SLCO4A1: variants seen among roughly 807,000 people sequenced by gnomAD.
SLCO4A1 encodes the protein colon organic anion transporter.
Under a neutral mutation model 64.6 loss-of-function variants are expected in SLCO4A1, and 51 were observed. The observed-to-expected ratio is 0.79, with a 90% CI of 0.63 to 1.00. SLCO4A1 has a LOEUF of 1.00. Among genes scored for constraint, SLCO4A1 ranks in the 50% least tolerant of loss-of-function variants. SLCO4A1 has a pLI of 0.00. For synonymous variants in SLCO4A1, 471 were observed against 444.9 expected (o/e 1.06, Z -0.74); for missense variants, 919 against 980.5 (o/e 0.94, Z 0.84).
intron 8 of SLCO4A1, 42 bp from the exon 9 acceptor site, chr20:62,667,970 G>T: frequency 1.2e-6 from 2 of 1,613,952 alleles, no homozygotes; most frequent in Non-Finnish European, 1.7e-6. Context: ...AGGGGCCCCC[G>T]TGCCTTCCCC....
intron 5 of SLCO4A1, among the ~76,000 whole-genome samples, chr20:62,662,379 G>A (rs113519635): frequency 0.011 from 1,688 of 152,252 alleles, 19 homozygotes; most frequent in South Asian, 0.024. Context: ...CAGCAGAGCG[G>A]CTTAGAGCTG....
intron 11 of SLCO4A1, among the ~76,000 whole-genome samples, 187 bp downstream of exon 11, chr20:62,669,265 G>T (rs1309854873): frequency 6.6e-6 from 1 of 152,222 alleles, no homozygotes. Context: ...GTGGGCTGCA[G>T]GGCCTCCTCC....
intron 11 of SLCO4A1, 104 bp downstream of exon 11, chr20:62,669,182 A>T: frequency 8.8e-7 from 1 of 1,135,896 alleles, no homozygotes; most frequent in Non-Finnish European, 1.3e-6. Flanking sequence ...CTAGTACATC[A>T]CAGATGTTCC....
At position 62,667,776 on chromosome 20, in the gene SLCO4A1, G is replaced by A; in HGVS notation, c.1504G>A (p.Ala502Thr). 12 of 1,610,992 alleles carry A rather than the reference G, an allele frequency of 7.4e-6. No individual in the cohort carries two copies. The highest frequency in any genetic ancestry group is 1.0e-5 in the Non-Finnish European group (12 of 1,179,410). The stretch of plus-strand genomic sequence containing the variant: ...GCCCGAAGGCCACCTGAACCTAACG[G>A]CTCCCTGCAACGCTGCCTGCAGCTG... ...LLPEGHLNLT[A>T]PCNAACSCQP... The change falls in exon 8 of 12, where the codon GCT becomes ACT. Residue 502 changes from alanine (A) to threonine (T), a missense_variant. Transcript: ENST00000217159.
intron 2 of SLCO4A1, among the ~76,000 whole-genome samples, chr20:62,658,246 C>A (rs1168059430): frequency 6.6e-6 from 1 of 152,260 alleles, no homozygotes; most frequent in Non-Finnish European, 1.5e-5. Flanking sequence ...GAGATCACCT[C>A]ACTCCAGCGA....
chr20:62,644,372 G>A lies in SLCO4A1; in HGVS notation c.-97+1819G>A, dbSNP rs145241118. 5.9e-3 allele frequency among the ~76,000 whole-genome samples: 900 copies of A among 152,362 alleles called. 6 individuals carry two copies. The highest frequency in any genetic ancestry group is 0.019 in the African/African-American group (781 of 41,590). ...GAGGGAGCTTCCCTCCCGAGTGGCC[G>A]TGACCTAATCTGTAGCTCACTGGGT... is the stretch of plus-strand genomic sequence containing the variant. On this transcript the variant is annotated intron_variant, in intron 1 of 11. Coordinates refer to ENST00000217159, the MANE Select transcript of SLCO4A1 (RefSeq NM_016354.4). The surrounding 1 kb of genome is among the most constrained non-coding windows in gnomAD (Gnocchi z 5.4).
chr20:62,661,041 C>CCCCCCCCCCCCCCCAAAAA lies in SLCO4A1; in HGVS notation c.1010-23_1010-22insCCCCCCCCCCCCCCAAAAA. ...TCCGGGAGCCCCCAGCCCCCAGCCC[C>CCCCCCCCCCCCCCCAAAAA]AGCTCACTCTGTGCCCTTCCAGGCT... On this transcript the variant is annotated intron_variant, in intron 4 of 11. Coordinates refer to ENST00000217159, the MANE Select transcript of SLCO4A1 (RefSeq NM_016354.4). The surrounding 1 kb of genome is among the most constrained non-coding windows in gnomAD (Gnocchi z 5.2). 13 of 1,424,134 alleles carry CCCCCCCCCCCCCCCAAAAA rather than the reference C, an allele frequency of 9.1e-6. No homozygotes were observed. The highest frequency in any genetic ancestry group is 1.2e-5 in the Non-Finnish European group (12 of 1,010,132). 88.2% of individuals were successfully genotyped at this position (1,424,134 alleles called of 1,614,324 possible).
At chr20:62,687,858 G>T (rs1004186415), downstream of SLCO4A1, among the ~76,000 whole-genome samples, 1 of 152,114 alleles carries the variant, frequency 6.6e-6, no homozygotes, top group African/African-American at 2.4e-5. Flanking sequence ...AGCCTCAGGG[G>T]TATCCCTGAG....
Position 62,661,022 on chromosome 20 carries a change from A to C in SLCO4A1, c.1010-42A>C. ...TCTCTCGGAGAAGTCCACCTCCGGG[A>C]GCCCCCAGCCCCCAGCCCCAGCTCA... On this transcript the variant is annotated intron_variant, in intron 4 of 11. Transcript: ENST00000217159. This position sits in a 1 kb window ranked among gnomAD's most constrained non-coding sequence, Gnocchi z 5.2. 1.2e-5 allele frequency: 7 copies of C among 581,066 alleles called. No individual in the cohort carries two copies. Among genetic ancestry groups the C allele is most frequent in the Admixed American group, 2.6e-5 (1 of 37,960 alleles). The allele number at this position is 581,066 out of a possible 1,614,324, so 36.0% of individuals were successfully genotyped here. A position where few individuals can be genotyped will look rare whatever the true frequency, so the allele number is the denominator to read the frequency against.
chr20:62,669,449 T>G (rs1019833432), intron 11 of SLCO4A1, among the ~76,000 whole-genome samples: 6 of 152,244 alleles, frequency 3.9e-5, no homozygotes, highest in African/African-American at 1.4e-4. Flanking sequence ...TAGAGCGGCT[T>G]GACTAGCTGG....
At chr20:62,647,360 C>T (rs913193777) in intron 1 of SLCO4A1, among the ~76,000 whole-genome samples, 6 of 152,138 alleles carry the variant, frequency 3.9e-5, no homozygotes, top group Non-Finnish European at 8.8e-5. Context: ...GCCTCAGAGC[C>T]GTCAGGTGCC....
chr20:62,675,231 C>T (rs1040907208), downstream of SLCO4A1, among the ~76,000 whole-genome samples: 3 of 152,226 alleles, frequency 2.0e-5, no homozygotes, highest in East Asian at 5.8e-4. Flanking sequence ...CTGGGCTGCT[C>T]ATCGGCATTG....
At chr20:62,643,462 C>T (rs557135453) in intron 1 of SLCO4A1, among the ~76,000 whole-genome samples, 3 of 152,376 alleles carry the variant, frequency 2.0e-5, no homozygotes, top group East Asian at 3.9e-4. Context: ...GGTTGGTGAA[C>T]CCTCAGGCTG....
At chr20:62,666,114 C>CGCCCCCCCTT (rs1569142121) in intron 6 of SLCO4A1, 1 of 20,946 alleles carries the variant, frequency 4.8e-5, no homozygotes, top group African/African-American at 9.5e-5. Flanking sequence ...CGCCCCGCCC[C>CGCCCCCCCTT]CCCGCTCCCC....
At chr20:62,647,779 C>G (rs117388418) in intron 1 of SLCO4A1, among the ~76,000 whole-genome samples, 5,878 of 152,326 alleles carry the variant, frequency 0.039, 185 homozygotes, top group Non-Finnish European at 0.058. Context: ...CAGGCTGGCA[C>G]CCCAGTTCCC....
chr20:62,658,556 G>A, intron 2 of SLCO4A1, 121 bp from the exon 3 acceptor site: 1 of 716,996 alleles, frequency 1.4e-6, no homozygotes, highest in Non-Finnish European at 2.4e-6. Flanking sequence ...GCCCATGAGG[G>A]GAGTGGGCCG....
At chr20:62,683,277 G>C (rs993305152) in intron 2 of SLCO4A1, among the ~76,000 whole-genome samples, 1 of 151,964 alleles carries the variant, frequency 6.6e-6, no homozygotes, top group African/African-American at 2.4e-5. Context: ...CTTGGACCTC[G>C]GGCTCTCGGG....
At chr20:62,670,766 A>G (rs151315148) in intron 11 of SLCO4A1, among the ~76,000 whole-genome samples, 209 of 152,360 alleles carry the variant, frequency 1.4e-3, no homozygotes, top group African/African-American at 4.8e-3. Context: ...AGTTGGCCTC[A>G]GCAGCGCATG....
At chr20:62,660,567 T>C in intron 4 of SLCO4A1, 34 bp downstream of exon 4, 1 of 1,600,462 alleles carries the variant, frequency 6.2e-7, no homozygotes, top group Non-Finnish European at 8.5e-7. Flanking sequence ...GCCTTCACAT[T>C]GGGAGACTGT....
Sources: allele counts gnomAD v4.1 joint callset (sites outside exome capture counted in the v4.1 genomes callset), GRCh38; gene constraint gnomAD v4.1.1; non-coding constraint Gnocchi (gnomAD v3.1); transcripts MANE v1.5; gene names NCBI Gene and HGNC (gene_info 2026-07-23, HGNC 2026-07-21).